Variants in IL2RA observed in about 807,000 individuals in gnomAD.
IL2RA encodes interleukin-2 receptor subunit alpha.
Under a neutral mutation model 37.8 loss-of-function variants are expected in IL2RA, and 24 were observed. That is an observed-to-expected ratio of 0.63 (90% CI 0.46 to 0.89). The LOEUF (loss-of-function observed/expected upper bound fraction) is 0.89. Ranked by LOEUF, IL2RA falls within the 40% of genes least tolerant of loss-of-function variation. IL2RA has a pLI of 0.00. For missense variants in IL2RA, 319 were observed against 348.6 expected, an observed-to-expected ratio of 0.92 and a Z score of 0.68; for synonymous variants, 125 against 114.6, an observed-to-expected ratio of 1.09 and a Z score of -0.58.
At chr10:6,031,482 A>G (rs7088643) in intron 1 of IL2RA, among the ~76,000 whole-genome samples, 2 of 31,854 alleles carry the variant, frequency 6.3e-5, no homozygotes, top group East Asian at 2.0e-3. Context: ...ATATATATAT[A>G]TATATATATA....
chr10:6,060,830 G>T lies in IL2RA; in HGVS notation c.64+1258C>A, dbSNP rs73605917. On this transcript the variant is annotated intron_variant, in intron 1 of 7. Transcript: ENST00000379959. ...CCTCTTTAAAGACACTCCTACATCT[G>T]GGCCAGTACACAGCCCAGCATGACT... 1.3e-3 allele frequency among the ~76,000 whole-genome samples: 192 copies of T among 152,202 alleles called. 1 individual carries two copies. The highest frequency in any genetic ancestry group is 4.5e-3 in the African/African-American group (187 of 41,530).
chr10:6,042,148 C>CAAAAAAAA (rs57093239), intron 1 of IL2RA, among the ~76,000 whole-genome samples: 1,876 of 53,916 alleles, frequency 0.035, 401 homozygotes, highest in Non-Finnish European at 0.044. Flanking sequence ...ATGTATTAAG[C>CAAAAAAAA]AAAAAAAAAA....
chr10:6,017,620 G>A (rs985012443), intron 7 of IL2RA, among the ~76,000 whole-genome samples: 2 of 123,318 alleles, frequency 1.6e-5, no homozygotes, highest in African/African-American at 3.2e-5. Context: ...CTGTCACCCA[G>A]GCTGGAGTGC....
chr10:6,043,355 A>C (rs1299672812), intron 1 of IL2RA, among the ~76,000 whole-genome samples: 1 of 152,244 alleles, frequency 6.6e-6, no homozygotes, highest in African/African-American at 2.4e-5. Flanking sequence ...GAGAGCAATT[A>C]CTGGAGGGGA....
chr10:6,031,739 A>G (rs1428794518), intron 1 of IL2RA, among the ~76,000 whole-genome samples: 3 of 151,944 alleles, frequency 2.0e-5, no homozygotes, highest in Non-Finnish European at 2.9e-5. Context: ...TACTATCTTT[A>G]TAGATTGTAA....
rs1476136704 is a variant in IL2RA, at chr10:6,021,934, A to G, written c.368-241T>C. On this transcript the variant is annotated intron_variant, in intron 3 of 7. Coordinates refer to ENST00000379959, the MANE Select transcript of IL2RA (RefSeq NM_000417.3). The surrounding 1 kb of genome is among the most constrained non-coding windows in gnomAD (Gnocchi z 4.9). Reference sequence around the variant, plus strand: ...GGACAGTGGATTGGGTAAGAAAGGCATGTGAAGGATAGCAGACGTTGGCAA... The same window carrying G: ...GGACAGTGGATTGGGTAAGAAAGGCGTGTGAAGGATAGCAGACGTTGGCAA... 1.3e-5 allele frequency among the ~76,000 whole-genome samples: 2 copies of G among 152,148 alleles called. No individual in the cohort carries two copies. The highest frequency in any genetic ancestry group is 6.5e-5 in the Admixed American group (1 of 15,270).
intron 1 of IL2RA, among the ~76,000 whole-genome samples, chr10:6,031,494 G>GTATATATATA (rs61619651): frequency 1.1e-4 from 3 of 27,482 alleles, no homozygotes; most frequent in Non-Finnish European, 2.6e-4. Context: ...ATATATATAT[G>GTATATATATA]TATATATATA....
At position 6,021,824 on chromosome 10, in the gene IL2RA, A is replaced by G. The variant is rs1839392884; in HGVS notation, c.368-131T>C. 1.3e-6 allele frequency: 1 copy of G among 759,978 alleles called. No individual in the cohort carries two copies. Among genetic ancestry groups the G allele is most frequent in the Non-Finnish European group, 2.3e-6 (1 of 437,860 alleles). The allele number at this position is 759,978 out of a possible 1,614,324, so 47.1% of individuals were successfully genotyped here. A position where few individuals can be genotyped will look rare whatever the true frequency, so the allele number is the denominator to read the frequency against. ...TGCTTGCTCATCCTTTCATTCAACC[A>G]ATATATGTTGAGAACGTCTGAGCGT... On this transcript the variant is annotated intron_variant, in intron 3 of 7. Coordinates refer to ENST00000379959, the MANE Select transcript of IL2RA (RefSeq NM_000417.3). This position sits in a 1 kb window ranked among gnomAD's most constrained non-coding sequence, Gnocchi z 4.9.
At chr10:6,034,713 T>C (rs1014035039) in intron 1 of IL2RA, among the ~76,000 whole-genome samples, 53 of 152,190 alleles carry the variant, frequency 3.5e-4, no homozygotes, top group African/African-American at 1.1e-3. Context: ...GGCTTTTCTC[T>C]GCCTTTACAC....
chr10:6,062,017 TG>T (rs1840128832), intron 1 of IL2RA, 70 bp downstream of exon 1: 1 of 1,284,742 alleles, frequency 7.8e-7, no homozygotes, highest in Non-Finnish European at 1.1e-6. Context: ...GGACTCCCTC[TG>T]GTTCTGTGGC....
intron 2 of IL2RA, among the ~76,000 whole-genome samples, chr10:6,024,601 T>C (rs751997278): frequency 6.6e-6 from 1 of 152,152 alleles, no homozygotes; most frequent in Admixed American, 6.5e-5. Flanking sequence ...TCTGTGCATG[T>C]CATGTATGTT....
At chr10:6,017,202 T>A (rs1839292898) in intron 7 of IL2RA, 1 of 152,244 alleles carries the variant, frequency 6.6e-6, no homozygotes, top group Non-Finnish European at 1.5e-5. Flanking sequence ...CATGCAGGGT[T>A]GAAAATCTGA....
intron 1 of IL2RA, among the ~76,000 whole-genome samples, chr10:6,050,177 C>T (rs1287045897): frequency 2.6e-5 from 4 of 152,176 alleles, no homozygotes; most frequent in Admixed American, 2.0e-4. Context: ...TGACTGAAAA[C>T]CAGAGCTTCA....
Position 6,044,552 on chromosome 10 carries a change from A to T in IL2RA, c.64+17536T>A, listed in dbSNP as rs775540060. Among the ~76,000 whole-genome samples the T allele has an allele frequency of 1.3e-5, 2 of 151,928 alleles. No individual in the cohort carries two copies. The highest frequency in any genetic ancestry group is 2.4e-5 in the African/African-American group (1 of 41,260). The stretch of plus-strand genomic sequence containing the variant: ...TGGCAATGGTAAACTGACATGGCAC[A>T]CTCATGAGCATGTCTTATGGAAAGC... On this transcript the variant is annotated intron_variant, in intron 1 of 7. Transcript: ENST00000379959. This position sits in a 1 kb window ranked among gnomAD's most constrained non-coding sequence, Gnocchi z 4.5.
rs2132900959 is a variant in IL2RA at position 6,054,684 on chromosome 10, C to T, written c.64+7404G>A. Among the ~76,000 whole-genome samples, 1 of 152,248 alleles carries T rather than the reference C, an allele frequency of 6.6e-6. No homozygotes were observed. Among genetic ancestry groups the T allele is most frequent in the Middle Eastern group, 3.4e-3 (1 of 294 alleles). On this transcript the variant is annotated intron_variant, in intron 1 of 7. Coordinates refer to ENST00000379959, the MANE Select transcript of IL2RA (RefSeq NM_000417.3). This position sits in a 1 kb window ranked among gnomAD's most constrained non-coding sequence, Gnocchi z 4.5. ...AGCATCACTAGAAAACACCATTCTC[C>T]AGCCCCTCTCCTGATATTCAGAACC...
At position 6,033,544 on chromosome 10, in the gene IL2RA, C is replaced by T. The variant is rs1276641128; in HGVS notation, c.65-7519G>A. On this transcript the variant is annotated intron_variant, in intron 1 of 7. Transcript: ENST00000379959. The surrounding 1 kb of genome is among the most constrained non-coding windows in gnomAD (Gnocchi z 4.3). The stretch of plus-strand genomic sequence containing the variant: ...ATAATAACCAACTCAATAATTCAAA[C>T]ATCCATCATTGGGAGAACAGACAAG... Among the ~76,000 whole-genome samples, 1 of 152,090 alleles carries T rather than the reference C, an allele frequency of 6.6e-6. No individual in the cohort carries two copies. The highest frequency in any genetic ancestry group is 1.5e-5 in the Non-Finnish European group (1 of 68,014).
chr10:6,037,456 T>C (rs992316815), intron 1 of IL2RA, among the ~76,000 whole-genome samples: 1 of 152,186 alleles, frequency 6.6e-6, no homozygotes, highest in Non-Finnish European at 1.5e-5. Flanking sequence ...TTCATCCCTC[T>C]TCTCTTTCCT....
Position 6,057,515 on chromosome 10 carries a change from G to A in IL2RA, c.64+4573C>T, listed in dbSNP as rs150387966. The stretch of plus-strand genomic sequence containing the variant: ...TGACATAGAGTGAAGGAACTGGAAG[G>A]GAGTTTCAAGATCCCTGGGTGACCT... On this transcript the variant is annotated intron_variant, in intron 1 of 7. Transcript: ENST00000379959. The surrounding 1 kb of genome is among the most constrained non-coding windows in gnomAD (Gnocchi z 4.8). Among the ~76,000 whole-genome samples, 6 of 152,248 alleles carry A rather than the reference G, an allele frequency of 3.9e-5. No homozygotes were observed. Among genetic ancestry groups the A allele is most frequent in the African/African-American group, 1.2e-4 (5 of 41,540 alleles).
rs1839855573 is a variant in IL2RA at position 6,046,239 on chromosome 10, T to C, written c.64+15849A>G. Among the ~76,000 whole-genome samples, 1 of 152,106 alleles carries C rather than the reference T, an allele frequency of 6.6e-6. No individual in the cohort carries two copies. The highest frequency in any genetic ancestry group is 2.1e-4 in the South Asian group (1 of 4,826). On this transcript the variant is annotated intron_variant, in intron 1 of 7. Coordinates refer to ENST00000379959, the MANE Select transcript of IL2RA (RefSeq NM_000417.3). The surrounding 1 kb of genome is among the most constrained non-coding windows in gnomAD (Gnocchi z 4.8). ...CATGCCTTTTCACAGACAATGACAA[T>C]CCAAATGTGGAAACACAGGGAGAAA...
Sources: allele counts gnomAD v4.1 joint callset (sites outside exome capture counted in the v4.1 genomes callset), GRCh38; gene constraint gnomAD v4.1.1; non-coding constraint Gnocchi (gnomAD v3.1); transcripts MANE v1.5; gene names NCBI Gene and HGNC (gene_info 2026-07-23, HGNC 2026-07-21).